EVA1C: variants seen among roughly 807,000 people sequenced by gnomAD.
The protein encoded by EVA1C is eva-1 homolog C, also known as protein eva-1 homolog C.
EVA1C carries 25 observed loss-of-function variants against 45.4 expected under a neutral mutation model. That is an observed-to-expected ratio of 0.55 (90% CI 0.40 to 0.77). The LOEUF (loss-of-function observed/expected upper bound fraction) is 0.77, where lower values mean the gene tolerates loss of function less well. Among genes scored for constraint, EVA1C ranks in the 30% least tolerant of loss-of-function variants. The pLI is 0.00. For missense variants in EVA1C, 479 were observed against 554.8 expected (o/e 0.86, Z 1.37); for synonymous variants, 190 against 221.2 (o/e 0.86, Z 1.25).
chr21:32,422,869 G>A (rs1242553710), intron 1 of EVA1C, among the ~76,000 whole-genome samples: 9 of 117,176 alleles, frequency 7.7e-5, no homozygotes, highest in South Asian at 3.3e-4. Context: ...TCAGGAGTTC[G>A]GGACCAGCCT....
intron 4 of EVA1C, among the ~76,000 whole-genome samples, chr21:32,480,500 G>A (rs958637428): frequency 8.6e-5 from 13 of 151,994 alleles, no homozygotes; most frequent in Non-Finnish European, 1.5e-4. Flanking sequence ...AAATTAGCTG[G>A]ATGTGGTGGC....
chr21:32,416,330 T>A (rs1254577100), intron 1 of EVA1C, among the ~76,000 whole-genome samples: 1 of 150,152 alleles, frequency 6.7e-6, no homozygotes. Context: ...TCTTTTTTTT[T>A]TTTTTTTTTT....
chr21:32,478,258 G>T (rs972321965), intron 4 of EVA1C, among the ~76,000 whole-genome samples: 6 of 151,430 alleles, frequency 4.0e-5, no homozygotes, highest in African/African-American at 1.2e-4. Context: ...TCACTCTGTC[G>T]CCCAGGCTGG....
intron 7 of EVA1C, among the ~76,000 whole-genome samples, chr21:32,508,276 G>A (rs143132049): frequency 1.7e-4 from 26 of 152,188 alleles, no homozygotes; most frequent in Non-Finnish European, 2.6e-4. Context: ...TAATATTTCC[G>A]TCACTGCCCC....
chr21:32,424,778 G>A (rs543378532), intron 1 of EVA1C, among the ~76,000 whole-genome samples: 15 of 152,232 alleles, frequency 9.9e-5, no homozygotes, highest in Admixed American at 6.5e-4. Context: ...AAGTGCAAAG[G>A]TCCCTCTCAT....
At chr21:32,418,877 C>T (rs1313632663) in intron 1 of EVA1C, among the ~76,000 whole-genome samples, 1 of 152,180 alleles carries the variant, frequency 6.6e-6, no homozygotes, top group Non-Finnish European at 1.5e-5. Context: ...ATCATTTCAT[C>T]ACAGTCCTTC....
intron 1 of EVA1C, among the ~76,000 whole-genome samples, chr21:32,442,495 T>C (rs562565142): frequency 6.6e-6 from 1 of 150,944 alleles, no homozygotes; most frequent in East Asian, 2.0e-4. Flanking sequence ...CCCAACCCCA[T>C]GCCATTGCCA....
chr21:32,495,946 C>A (rs1333095692), intron 5 of EVA1C, among the ~76,000 whole-genome samples: 2 of 152,168 alleles, frequency 1.3e-5, no homozygotes, highest in African/African-American at 4.8e-5. Context: ...TTTTCCCCTG[C>A]CAAACATTCC....
At chr21:32,433,464 C>T (rs1239280207) in intron 1 of EVA1C, among the ~76,000 whole-genome samples, 1 of 152,084 alleles carries the variant, frequency 6.6e-6, no homozygotes, top group Non-Finnish European at 1.5e-5. Flanking sequence ...GTCTCTGGCG[C>T]GTTATCAGGA....
intron 4 of EVA1C, among the ~76,000 whole-genome samples, chr21:32,483,483 C>A (rs2036863742): frequency 6.6e-6 from 1 of 152,130 alleles, no homozygotes; most frequent in African/African-American, 2.4e-5. Context: ...GCAAGCCACT[C>A]CTTTAGACTG....
At chr21:32,475,909 ATCTATCTATC>A (rs2036544069) in intron 4 of EVA1C, among the ~76,000 whole-genome samples, 6 of 149,606 alleles carry the variant, frequency 4.0e-5, no homozygotes, top group African/African-American at 7.4e-5. Flanking sequence ...CTATCTATCT[ATCTATCTATC>A]TATCTATCTA....
At chr21:32,511,990 A>T (rs2037971313) in intron 7 of EVA1C, among the ~76,000 whole-genome samples, 1 of 152,166 alleles carries the variant, frequency 6.6e-6, no homozygotes, top group Admixed American at 6.5e-5. Context: ...CAGCGATATG[A>T]TATTAAATTA....
chr21:32,412,991 C>G lies in EVA1C; in HGVS notation c.138C>G (p.Ile46Met). The stretch of plus-strand genomic sequence containing the variant: ...CTGTCCTGGTCTGCTCCAAAGAGAT[C>G]TCAGCGCTCACCGACTTCTCTGGTA... ...YCTVLVCSKEISALTDFSGYL... is the reference protein window; with the variant it reads ...YCTVLVCSKEMSALTDFSGYL... The change falls in exon 1 of 8, where the codon ATC (isoleucine) becomes ATG (methionine). Residue 46 changes from isoleucine to methionine, a missense_variant. Transcript: ENST00000300255. 6.9e-7 allele frequency: 1 copy of G among 1,451,820 alleles called. No individual in the cohort carries two copies. The highest frequency in any genetic ancestry group is 9.1e-7 in the Non-Finnish European group (1 of 1,093,712). The allele number at this position is 1,451,820 out of a possible 1,614,324, so 89.9% of individuals were successfully genotyped here.
intron 1 of EVA1C, among the ~76,000 whole-genome samples, chr21:32,435,647 A>G (rs1309814617): frequency 2.0e-5 from 3 of 152,226 alleles, no homozygotes; most frequent in Non-Finnish European, 4.4e-5. Flanking sequence ...TGCTGATTTT[A>G]TGGCTAAATC....
intron 6 of EVA1C, among the ~76,000 whole-genome samples, chr21:32,502,481 A>G (rs1315478802): frequency 1.3e-5 from 2 of 152,132 alleles, no homozygotes; most frequent in Admixed American, 1.3e-4. Flanking sequence ...TTTTCTTATC[A>G]AATCTAGAAT....
chr21:32,416,208 G>T lies in EVA1C; in HGVS notation c.160+3195G>T, dbSNP rs1487650429. On this transcript the variant is annotated intron_variant, in intron 1 of 7. Transcript: ENST00000300255. ...ATGGTCCCTCAGTACTTACTGTTTT[G>T]TGTGTGTGTGTGTGTGTGTGCTTCT... Among the ~76,000 whole-genome samples the T allele has an allele frequency of 2.7e-5, 4 of 148,366 alleles. No individual in the cohort carries two copies. The South Asian group carries it at 8.4e-4, about 31-fold the overall frequency.
chr21:32,443,152 A>C (rs2035242539), intron 1 of EVA1C, among the ~76,000 whole-genome samples: 1 of 152,176 alleles, frequency 6.6e-6, no homozygotes, highest in African/African-American at 2.4e-5. Context: ...CAAGGTGCTC[A>C]GAGCTGAGAG....
intron 5 of EVA1C, chr21:32,496,939 A>G: frequency 5.9e-6 from 8 of 1,358,384 alleles, no homozygotes; most frequent in Non-Finnish European, 7.4e-6. Context: ...AGGTGCAACT[A>G]AAAGAAACAG....
chr21:32,482,818 C>T (rs1210751041), intron 4 of EVA1C, among the ~76,000 whole-genome samples: 3 of 115,154 alleles, frequency 2.6e-5, no homozygotes, highest in African/African-American at 6.4e-5. Flanking sequence ...CTGCCCCCTT[C>T]AGGGTTTGGG....
Sources: allele counts gnomAD v4.1 joint callset (sites outside exome capture counted in the v4.1 genomes callset), GRCh38; gene constraint gnomAD v4.1.1; transcripts MANE v1.5; gene names NCBI Gene and HGNC (gene_info 2026-07-23, HGNC 2026-07-21).